The following RNF213 variants were observed in gnomAD, a reference collection of about 807,000 sequenced individuals.
The protein encoded by RNF213 is E3 ubiquitin-protein ligase RNF213.
Under a neutral mutation model 514.4 loss-of-function variants are expected in RNF213, and 341 were observed. The ratio of observed to expected loss-of-function variants is 0.66; its 90% confidence interval spans 0.61 to 0.73. RNF213 has a LOEUF of 0.73. Ranked by LOEUF, RNF213 falls within the 30% of genes least tolerant of loss-of-function variation. The pLI is 0.00. For synonymous variants in RNF213, 2,655 were observed against 2,658.2 expected (o/e 1.00, Z 0.04); for missense variants, 5,767 against 6,615.6 (o/e 0.87, Z 4.45).
rs77272340 is a variant in RNF213, at chr17:80,308,500, G to A, written c.2502-518G>A. 3.9e-3 allele frequency among the ~76,000 whole-genome samples: 585 copies of A among 151,074 alleles called. 4 individuals are homozygous for A. The highest frequency in any genetic ancestry group is 0.014 in the African/African-American group (570 of 40,992). ...AGCCTCCTCCTAAGTCCCCTCCTGA[G>A]TCCCTCCTAAGGCTCCTCCCGAGTC... On this transcript the variant is annotated intron_variant, in intron 13 of 67. Transcript: ENST00000582970.
At chr17:80,341,651 T>A (rs2078157437) in intron 26 of RNF213, 1 of 152,042 alleles carries the variant, frequency 6.6e-6, no homozygotes, top group Non-Finnish European at 1.5e-5. Context: ...CTTGGGAGGA[T>A]CGCTCCAGCC....
In RNF213 at chr17:80,363,401, C is replaced by A. The variant is rs1599135754; in HGVS notation, c.11568+87C>A. The A allele has an allele frequency of 7.1e-6, 10 of 1,402,384 alleles. No homozygotes were observed. In the East Asian group the frequency reaches 2.3e-4, roughly 32 times the overall value. The allele number at this position is 1,402,384 out of a possible 1,614,324, so 86.9% of individuals were successfully genotyped here. A position where few individuals can be genotyped will look rare whatever the true frequency, so the allele number is the denominator to read the frequency against. ...ATGGAGAGCTTCTGGGGCTGTGTTC[C>A]AAGTGGGAGATTTCTTCACAAGGCA... On this transcript the variant is annotated intron_variant, in intron 40 of 67. Coordinates refer to ENST00000582970, the MANE Select transcript of RNF213 (RefSeq NM_001256071.3).
Position 80,264,125 on chromosome 17 carries a change from C to T in RNF213, c.97+347C>T, listed in dbSNP as rs2043526906. On this transcript the variant is annotated intron_variant, in intron 2 of 67. Coordinates refer to ENST00000582970, the MANE Select transcript of RNF213 (RefSeq NM_001256071.3). The surrounding 1 kb of genome is among the most constrained non-coding windows in gnomAD (Gnocchi z 5.0). ...ACAAGAAGTTTTGTCGGGGTCTTTG[C>T]TGGAGGTTCCTGCTTTTGAAAATTT... Among the ~76,000 whole-genome samples the T allele has an allele frequency of 6.6e-6, 1 of 152,174 alleles. No individual in the cohort carries two copies. The highest frequency in any genetic ancestry group is 6.5e-5 in the Admixed American group (1 of 15,274).
rs1004455091 is a variant in RNF213 at position 80,370,022 on chromosome 17, G to C, written c.12425+155G>C. On this transcript the variant is annotated intron_variant, in intron 46 of 67. Transcript: ENST00000582970. ...CACAGCCTGGTTACTTGTACTGGTT[G>C]TGTATTCTGACATTTTCACATATAG... Among the ~76,000 whole-genome samples, 3 of 152,222 alleles carry C rather than the reference G, an allele frequency of 2.0e-5. No homozygotes were observed. The East Asian group carries it at 5.8e-4, about 29-fold the overall frequency.
chr17:80,345,108 T>C lies in RNF213; in HGVS notation c.6773T>C (p.Met2258Thr). 2 of 1,614,150 alleles carry C rather than the reference T, an allele frequency of 1.2e-6. No homozygotes were observed. The highest frequency in any genetic ancestry group is 1.1e-5 in the South Asian group (1 of 91,080). The change falls in exon 29 of 68, where the codon ATG (methionine) becomes ACG (threonine). Residue 2258 changes from methionine (M) to threonine (T), a missense_variant. Met to Thr is a moderately conservative substitution (Grantham distance 81, BLOSUM62 -1). This residue lies in a region of RNF213 where 1,377 missense variants were observed against 1,635.2 expected (regional missense o/e 0.84). Transcript: ENST00000582970. This position sits in a 1 kb window ranked among gnomAD's most constrained non-coding sequence, Gnocchi z 6.0. ...TTCGTGGTGACCTTCATGATCTTTA[T>C]GGCAAGAGATTTTGCCACACCATCA... ...KKFVVTFMIF[M>T]ARDFATPSLH...
chr17:80,348,074 C>A lies in RNF213; in HGVS notation c.9739C>A (p.His3247Asn). The A allele has an allele frequency of 6.2e-7, 1 of 1,614,172 alleles. No homozygotes were observed. Among genetic ancestry groups the A allele is most frequent in the African/African-American group, 1.3e-5 (1 of 75,078 alleles). Residue 3247 changes from histidine (H) to asparagine (N), a missense_variant, in exon 29 of 68, where the codon CAC (histidine) becomes AAC (asparagine). Transcript: ENST00000582970. ...TCCCCGGGCCTTGACGGAGGAACTT[C>A]ACCAGAAGGTGTCTGAGGAGGCCAA... ...QGPRALTEEL[H>N]QKVSEEAKSI...
rs754747910 is a variant in RNF213 at position 80,361,751 on chromosome 17, G to A, written c.11218G>A (p.Val3740Met). ...CTCTGCAGGACTGCCCAAGAAGTTCGTGGACATCTTTCAGCAGACTCCTCT... is the reference window on the plus strand; with the variant it reads ...CTCTGCAGGACTGCCCAAGAAGTTCATGGACATCTTTCAGCAGACTCCTCT... ...TDAEGLPKKF[V>M]DIFQQTPLGR... Residue 3740 changes from valine to methionine, a missense_variant, in exon 39 of 68, where the codon GTG (valine) becomes ATG (methionine). This residue lies in a region of RNF213 where 355 missense variants were observed against 358.0 expected (regional missense o/e 0.99). Transcript: ENST00000582970. The A allele has an allele frequency of 5.6e-5, 90 of 1,613,598 alleles. 1 individual carries two copies. Among genetic ancestry groups the A allele is most frequent in the Admixed American group, 8.3e-5 (5 of 59,974 alleles).
At chr17:80,303,881 G>C (rs796653271) in intron 11 of RNF213, among the ~76,000 whole-genome samples, 4 of 150,674 alleles carry the variant, frequency 2.7e-5, no homozygotes, top group African/African-American at 9.8e-5. Context: ...GCCAGCCGTT[G>C]GGAACCAATT....
chr17:80,310,254 ATTTG>A (rs1206953019), intron 14 of RNF213, among the ~76,000 whole-genome samples: 2 of 151,600 alleles, frequency 1.3e-5, no homozygotes, highest in African/African-American at 4.8e-5. Context: ...TAGACTGATC[ATTTG>A]TTTGTTTTTT....
rs1362515109 is a variant in RNF213 at position 80,394,427 on chromosome 17, A to G, written c.*929A>G. 1 of 152,224 alleles carries G rather than the reference A, an allele frequency of 6.6e-6. No homozygotes were observed. The highest frequency in any genetic ancestry group is 1.5e-5 in the Non-Finnish European group (1 of 68,048). The allele number at this position is 152,224 out of a possible 1,614,324, so 9.4% of individuals were successfully genotyped here. ...AGACATAAAAACTAGGACTCAGAGC[A>G]CATACAAAACCAGTTATGTTTCGGA... is the stretch of plus-strand genomic sequence containing the variant. On this transcript the variant is annotated 3_prime_UTR_variant, in exon 68 of 68. Transcript: ENST00000582970.
chr17:80,386,415 C>T lies in RNF213; in HGVS notation c.14705C>T (p.Ser4902Phe), dbSNP rs746239882. Reference protein sequence around the residue: ...NEIVYAVEKLSKENNSYSVDA... With the variant: ...NEIVYAVEKLFKENNSYSVDA... ...ATTGTCTACGCCGTGGAAAAACTCT[C>T]CAAGGAAAACAACAGGTTTGTGCAC... Residue 4902 changes from serine (S) to phenylalanine (F), a missense_variant, in exon 62 of 68, where the codon TCC becomes TTC. Transcript: ENST00000582970. The T allele has an allele frequency of 4.3e-6, 7 of 1,614,000 alleles. No individual in the cohort carries two copies. The South Asian group carries it at 4.4e-5, about 10-fold the overall frequency.
In RNF213 at chr17:80,340,328, G is replaced by T. The variant is rs1599058955; in HGVS notation, c.5961G>T (p.Gly1987=). The T allele has an allele frequency of 6.2e-7, 1 of 1,613,488 alleles. No individual in the cohort carries two copies. Among genetic ancestry groups the T allele is most frequent in the Non-Finnish European group, 8.5e-7 (1 of 1,179,988 alleles). ...TGTTCAATGACCGGCTGTGTGTTGGGATCGTGGCCTCGGAGCGAGCAGGTG... is the reference window on the plus strand; with the variant it reads ...TGTTCAATGACCGGCTGTGTGTTGGTATCGTGGCCTCGGAGCGAGCAGGTG... ...AAVFNDRLCV[G]IVASERAGVG... The change falls in exon 26 of 68, where the codon GGG becomes GGT. Residue 1987 remains glycine (G), a synonymous_variant. Coordinates refer to ENST00000582970, the MANE Select transcript of RNF213 (RefSeq NM_001256071.3).
At chr17:80,369,275 G>C (rs1031377403) in intron 44 of RNF213, among the ~76,000 whole-genome samples, 2 of 152,204 alleles carry the variant, frequency 1.3e-5, no homozygotes, top group East Asian at 3.9e-4. Context: ...GTGCGTGCCT[G>C]TAATCCCAGC....
intron 63 of RNF213, among the ~76,000 whole-genome samples, chr17:80,387,782 C>A (rs1348301168): frequency 6.6e-6 from 1 of 152,154 alleles, no homozygotes; most frequent in African/African-American, 2.4e-5. Context: ...GCCACTTAGC[C>A]CATTTCCCTG....
At chr17:80,302,438 ATG>A (rs1169566923) in intron 11 of RNF213, among the ~76,000 whole-genome samples, 1 of 152,228 alleles carries the variant, frequency 6.6e-6, no homozygotes, top group Non-Finnish European at 1.5e-5. Context: ...ACATATTTAT[ATG>A]TATATACAGT....
At chr17:80,324,229 A>C (rs1318322032) in intron 17 of RNF213, among the ~76,000 whole-genome samples, 1 of 152,220 alleles carries the variant, frequency 6.6e-6, no homozygotes, top group Non-Finnish European at 1.5e-5. Context: ...TGAGCTTTTC[A>C]TAGATGCCCT....
Position 80,344,673 on chromosome 17 carries a change from TCCAGCGTACACGTGTACC to T in RNF213, c.6343_6360del (p.Arg2115_Gln2120del). 6.2e-7 allele frequency: 1 copy of T among 1,614,000 alleles called. No individual in the cohort carries two copies. Among genetic ancestry groups the T allele is most frequent in the African/African-American group, 1.3e-5 (1 of 74,918 alleles). On this transcript the variant is annotated splice_acceptor_variant and splice_polypyrimidine_tract_variant and coding_sequence_variant and intron_variant, in exon 29 of 68. Transcript: ENST00000582970. LOFTEE classifies it high-confidence loss of function. ...AACCATTTCATTAATGTCTCTCCTT[TCCAGCGTACACGTGTACC>T]CCAGTTCAGTTTTCTTGACATCTTC... is the stretch of plus-strand genomic sequence containing the variant.
intron 50 of RNF213, among the ~76,000 whole-genome samples, chr17:80,375,268 G>A (rs924495724): frequency 1.3e-5 from 2 of 152,210 alleles, no homozygotes; most frequent in African/African-American, 2.4e-5. Flanking sequence ...AAAGTTGCTC[G>A]CCAGAAGACT....
In RNF213 at chr17:80,387,408, T is replaced by C. The variant is rs77398988; in HGVS notation, c.14922+517T>C. Among the ~76,000 whole-genome samples the C allele has an allele frequency of 2.3e-3, 348 of 152,254 alleles. 1 individual carries two copies. The highest frequency in any genetic ancestry group is 7.9e-3 in the African/African-American group (329 of 41,562). On this transcript the variant is annotated intron_variant, in intron 63 of 67. Coordinates refer to ENST00000582970, the MANE Select transcript of RNF213 (RefSeq NM_001256071.3). Reference sequence around the variant, plus strand: ...GGCGTGAGCCACTGCACCCAGCTGATTGTTGAGGTCTTGATTCTACCAGTT... The same window carrying C: ...GGCGTGAGCCACTGCACCCAGCTGACTGTTGAGGTCTTGATTCTACCAGTT...
Sources: gnomAD v4.1 joint callset for allele counts (sites outside exome capture counted in the v4.1 genomes callset) on GRCh38, gnomAD v4.1.1 for gene constraint, gnomAD v4.1.1 regional missense constraint, Gnocchi (gnomAD v3.1) non-coding constraint, MANE v1.5 for transcripts, NCBI Gene and HGNC (gene_info 2026-07-23, HGNC 2026-07-21) for gene names.